The following TNKS variants were observed in gnomAD, a reference collection of about 807,000 sequenced individuals.
TNKS encodes the protein poly [ADP-ribose] polymerase tankyrase-1.
Under a neutral mutation model 135.8 loss-of-function variants are expected in TNKS, and 72 were observed. The ratio of observed to expected loss-of-function variants is 0.53; its 90% confidence interval spans 0.44 to 0.64. TNKS has a LOEUF of 0.64. Among genes scored for constraint, TNKS ranks in the 30% least tolerant of loss-of-function variants. The pLI, the probability that TNKS is intolerant of heterozygous loss-of-function variation, is 0.00. For synonymous variants in TNKS, 849 were observed against 649.3 expected (o/e 1.31, Z -4.68); for missense variants, 1,769 against 1,674.0 (o/e 1.06, Z -0.99).
chr8:9,688,356 G>A (rs1248504951), intron 5 of TNKS, among the ~76,000 whole-genome samples: 1 of 152,186 alleles, frequency 6.6e-6, no homozygotes, highest in Non-Finnish European at 1.5e-5. Flanking sequence ...CAAAAAGAAA[G>A]TGATGAGTTA....
chr8:9,598,735 C>CTGTGTG (rs1798889821), intron 2 of TNKS, among the ~76,000 whole-genome samples: 8 of 56,826 alleles, frequency 1.4e-4, no homozygotes, highest in Admixed American at 6.6e-4. Flanking sequence ...GTGTGTGTGT[C>CTGTGTG]TGTGTGTGTA....
intron 2 of TNKS, among the ~76,000 whole-genome samples, chr8:9,588,810 C>T (rs879669281): frequency 6.6e-6 from 1 of 152,166 alleles, no homozygotes; most frequent in Non-Finnish European, 1.5e-5. Flanking sequence ...TGTTCCATCT[C>T]TAATGAGCTG....
At chr8:9,736,133 A>G (rs976248682) in intron 17 of TNKS, among the ~76,000 whole-genome samples, 1 of 150,360 alleles carries the variant, frequency 6.7e-6, no homozygotes, top group Non-Finnish European at 1.5e-5. Context: ...TCTTAATTCT[A>G]CCTCAAGTAT....
chr8:9,662,769 T>C (rs1366319994), intron 3 of TNKS, among the ~76,000 whole-genome samples: 2 of 152,084 alleles, frequency 1.3e-5, no homozygotes, highest in Non-Finnish European at 1.5e-5. Context: ...TTAAAAAAAG[T>C]ATGTACTTTT....
chr8:9,609,958 C>G (rs537222492), intron 2 of TNKS, among the ~76,000 whole-genome samples: 1 of 152,032 alleles, frequency 6.6e-6, no homozygotes, highest in African/African-American at 2.4e-5. Flanking sequence ...CCCGGGTTCA[C>G]GCCATTCTCC....
chr8:9,672,688 A>C (rs1585310246), intron 3 of TNKS, among the ~76,000 whole-genome samples: 2 of 118,958 alleles, frequency 1.7e-5, no homozygotes, highest in African/African-American at 3.1e-5. Flanking sequence ...ACATACACAC[A>C]CACACACACA....
chr8:9,672,683 C>T (rs868745101), intron 3 of TNKS, among the ~76,000 whole-genome samples: 9 of 91,492 alleles, frequency 9.8e-5, no homozygotes, highest in Admixed American at 3.7e-4. Context: ...AAAACACATA[C>T]ACACACACAC....
chr8:9,615,550 G>C (rs1054663989), intron 2 of TNKS, 32 bp from the exon 3 acceptor site: 3 of 1,572,524 alleles, frequency 1.9e-6, no homozygotes, highest in African/African-American at 1.4e-5. Flanking sequence ...GTATCCCCGA[G>C]GTAAGATACT....
At chr8:9,644,264 T>G (rs184368287) in intron 3 of TNKS, among the ~76,000 whole-genome samples, 2 of 152,204 alleles carry the variant, frequency 1.3e-5, no homozygotes, top group East Asian at 3.9e-4. Flanking sequence ...GGTGATAAAT[T>G]TGGGTGAGGC....
intron 2 of TNKS, among the ~76,000 whole-genome samples, chr8:9,601,504 C>G (rs1322464721): frequency 1.3e-5 from 2 of 152,148 alleles, no homozygotes; most frequent in Non-Finnish European, 2.9e-5. Flanking sequence ...AATTCTCTTT[C>G]ATGATAATTT....
At chr8:9,605,860 G>T (rs989044379) in intron 2 of TNKS, among the ~76,000 whole-genome samples, 2 of 151,976 alleles carry the variant, frequency 1.3e-5, no homozygotes, top group African/African-American at 4.8e-5. Context: ...TCTTACATAT[G>T]TGTTGCAAAT....
chr8:9,659,107 G>T (rs1424697908), intron 3 of TNKS, among the ~76,000 whole-genome samples: 2 of 152,140 alleles, frequency 1.3e-5, no homozygotes, highest in Non-Finnish European at 2.9e-5. Context: ...GAAGTACAAA[G>T]AGACATAGAC....
intron 12 of TNKS, among the ~76,000 whole-genome samples, chr8:9,721,254 CCTGGAGACAGAGTGAA>C (rs1262181196): frequency 7.2e-6 from 1 of 138,956 alleles, no homozygotes; most frequent in Non-Finnish European, 1.6e-5. Flanking sequence ...TGCACTCCAG[CCTGGAGACAGAGTGAA>C]ACTCTGTCTC....
At chr8:9,614,748 G>C (rs1040754128) in intron 2 of TNKS, among the ~76,000 whole-genome samples, 17 of 152,136 alleles carry the variant, frequency 1.1e-4, no homozygotes, top group Non-Finnish European at 2.1e-4. Context: ...TACAGCAACA[G>C]TCTCCTCCTC....
At chr8:9,659,062 C>G (rs1801567770) in intron 3 of TNKS, among the ~76,000 whole-genome samples, 1 of 152,212 alleles carries the variant, frequency 6.6e-6, no homozygotes, top group South Asian at 2.1e-4. Context: ...GCACTCAATA[C>G]AGGAGCACCC....
chr8:9,747,183 C>G (rs1317165406), intron 17 of TNKS, among the ~76,000 whole-genome samples: 1 of 151,970 alleles, frequency 6.6e-6, no homozygotes, highest in Non-Finnish European at 1.5e-5. Flanking sequence ...GCACCCAGCC[C>G]CTACTTAAAC....
chr8:9,765,273 G>T (rs1478773701), intron 23 of TNKS, among the ~76,000 whole-genome samples: 1 of 152,038 alleles, frequency 6.6e-6, no homozygotes, highest in African/African-American at 2.4e-5. Context: ...AAAACCTGTA[G>T]AGAACTGGTT....
chr8:9,567,485 G>A (rs1018192035), intron 1 of TNKS, among the ~76,000 whole-genome samples: 1 of 152,148 alleles, frequency 6.6e-6, no homozygotes, highest in African/African-American at 2.4e-5. Flanking sequence ...GCGCGATCTT[G>A]GCTCACTGCA....
chr8:9,647,614 C>T (rs1800965817), intron 3 of TNKS, among the ~76,000 whole-genome samples: 1 of 152,182 alleles, frequency 6.6e-6, no homozygotes, highest in Non-Finnish European at 1.5e-5. Context: ...ATTGCTTCTT[C>T]CTGTGTGCTC....
Sources: allele counts gnomAD v4.1 joint callset (sites outside exome capture counted in the v4.1 genomes callset), GRCh38; gene constraint gnomAD v4.1.1; transcripts MANE v1.5; gene names NCBI Gene and HGNC (gene_info 2026-07-23, HGNC 2026-07-21).